TEAD1: variants seen among roughly 807,000 people sequenced by gnomAD.
TEAD1 encodes the protein TEA domain transcription factor 1.
Under a neutral mutation model 54.9 loss-of-function variants are expected in TEAD1, and 9 were observed. The ratio of observed to expected loss-of-function variants is 0.16; its 90% CI spans 0.10 to 0.29. TEAD1 has a LOEUF of 0.29. TEAD1 is among the 10% of genes least tolerant of loss of function. The probability of loss-of-function intolerance (pLI) is 1.00; values close to 1 mark genes in which losing one functional copy is unlikely to be tolerated. For synonymous variants in TEAD1, 200 were observed against 187.8 expected, an observed-to-expected ratio of 1.07 and a Z score of -0.53; for missense variants, 387 against 535.9, an observed-to-expected ratio of 0.72 and a Z score of 2.74.
intron 3 of TEAD1, among the ~76,000 whole-genome samples, chr11:12,806,338 C>G (rs1234405286): frequency 1.3e-5 from 2 of 152,202 alleles, no homozygotes; most frequent in Non-Finnish European, 2.9e-5. Context: ...TGCAGTGAAG[C>G]ATACTCACAC....
In TEAD1 at chr11:12,764,252, G is replaced by A. The variant is rs1218015988; in HGVS notation, c.20G>A (p.Ser7Asn). 3.1e-6 allele frequency: 5 copies of A among 1,613,974 alleles called. No homozygotes were observed. Among genetic ancestry groups the A allele is most frequent in the Non-Finnish European group, 3.4e-6 (4 of 1,180,018 alleles). The change falls in exon 3 of 13, where the codon AGC (serine) becomes AAC (asparagine). Residue 7 changes from serine (S) to asparagine (N), a missense_variant. Coordinates refer to ENST00000527636, the MANE Select transcript of TEAD1 (RefSeq NM_021961.6). ...GCCAAAATTGAGCCCAGCAGCTGGAGCGGCAGTGAGAGCCCTGCCGAAAAC... is the reference window on the plus strand; with the variant it reads ...GCCAAAATTGAGCCCAGCAGCTGGAACGGCAGTGAGAGCCCTGCCGAAAAC...
chr11:12,758,409 T>TG (rs2133917638), intron 2 of TEAD1, among the ~76,000 whole-genome samples: 1 of 141,160 alleles, frequency 7.1e-6, no homozygotes, highest in East Asian at 2.0e-4. Flanking sequence ...CAGCTAGTTT[T>TG]TTTTTTTTTT....
intron 2 of TEAD1, among the ~76,000 whole-genome samples, chr11:12,710,487 T>A (rs1943913148): frequency 6.6e-6 from 1 of 152,084 alleles, no homozygotes; most frequent in African/African-American, 2.4e-5. Flanking sequence ...TACCAGTAAA[T>A]GATGGTTAAA....
intron 2 of TEAD1, among the ~76,000 whole-genome samples, chr11:12,734,327 T>C (rs1003427169): frequency 1.3e-5 from 2 of 152,250 alleles, no homozygotes; most frequent in Non-Finnish European, 2.9e-5. Flanking sequence ...TGTTTGTGTT[T>C]TTAAGCTAAG....
intron 3 of TEAD1, among the ~76,000 whole-genome samples, chr11:12,845,922 GCGGAGCGC>G (rs992711522): frequency 3.9e-5 from 6 of 152,230 alleles, no homozygotes; most frequent in Admixed American, 2.0e-4. Flanking sequence ...GCCAGGTCCT[GCGGAGCGC>G]CTTTCCAAGC....
intron 9 of TEAD1, among the ~76,000 whole-genome samples, chr11:12,897,844 T>C (rs1564982422): frequency 6.6e-6 from 1 of 152,210 alleles, no homozygotes; most frequent in South Asian, 2.1e-4. Context: ...TCAAAAAACG[T>C]TGGTTTAACG....
At chr11:12,795,756 T>C (rs1407458992) in intron 3 of TEAD1, among the ~76,000 whole-genome samples, 1 of 152,186 alleles carries the variant, frequency 6.6e-6, no homozygotes, top group Non-Finnish European at 1.5e-5. Flanking sequence ...CCAGGTGATT[T>C]GGGTGTGCAG....
chr11:12,922,192 C>CTTTTTTTTTTTTTTTTTTTT (rs756723520), intron 10 of TEAD1, among the ~76,000 whole-genome samples: 1 of 94,500 alleles, frequency 1.1e-5, no homozygotes, highest in African/African-American at 4.3e-5. Context: ...ACATGGTTCT[C>CTTTTTTTTTTTTTTTTTTTT]TTTTTTTTTT....
intron 10 of TEAD1, among the ~76,000 whole-genome samples, chr11:12,908,696 A>G (rs1589979862): frequency 1.3e-5 from 2 of 152,310 alleles, no homozygotes; most frequent in African/African-American, 4.8e-5. Context: ...TATGATTATG[A>G]AGGTATAACA....
At chr11:12,874,333 C>T (rs1229954758) in intron 5 of TEAD1, among the ~76,000 whole-genome samples, 6 of 152,148 alleles carry the variant, frequency 3.9e-5, no homozygotes, top group Admixed American at 6.5e-5. Flanking sequence ...CAGACTGATC[C>T]GTGAGATGTC....
At chr11:12,913,221 C>T (rs1366172160) in intron 10 of TEAD1, among the ~76,000 whole-genome samples, 1 of 152,008 alleles carries the variant, frequency 6.6e-6, no homozygotes, top group South Asian at 2.1e-4. Flanking sequence ...TCTCCATGTG[C>T]AGGTAAAGAT....
chr11:12,812,253 A>T (rs1467671300), intron 3 of TEAD1, among the ~76,000 whole-genome samples: 1 of 152,122 alleles, frequency 6.6e-6, no homozygotes, highest in Non-Finnish European at 1.5e-5. Context: ...TTATTCAGTG[A>T]TGGCTTCCTG....
intron 3 of TEAD1, among the ~76,000 whole-genome samples, chr11:12,781,951 C>CAAA (rs71454001): frequency 6.1e-4 from 40 of 65,276 alleles, no homozygotes; most frequent in South Asian, 1.5e-3. Context: ...CTCGTCTGTA[C>CAAA]AAAAAAAAAA....
intron 5 of TEAD1, among the ~76,000 whole-genome samples, chr11:12,869,181 A>T (rs188484104): frequency 6.6e-6 from 1 of 152,160 alleles, no homozygotes; most frequent in Non-Finnish European, 1.5e-5. Flanking sequence ...GGTTCATTCA[A>T]ATTTACCCTC....
chr11:12,873,004 T>C (rs1947784998), intron 5 of TEAD1, among the ~76,000 whole-genome samples: 1 of 152,180 alleles, frequency 6.6e-6, no homozygotes, highest in Non-Finnish European at 1.5e-5. Flanking sequence ...GAGTCACAAG[T>C]CTGAAGTTAA....
At chr11:12,815,508 A>G (rs570351828) in intron 3 of TEAD1, among the ~76,000 whole-genome samples, 2 of 152,328 alleles carry the variant, frequency 1.3e-5, no homozygotes, top group Admixed American at 6.5e-5. Flanking sequence ...CAAAAATGCA[A>G]AACACAGTGT....
chr11:12,824,302 T>C (rs7113256), intron 3 of TEAD1, among the ~76,000 whole-genome samples: 83,362 of 152,128 alleles, frequency 0.55, 23,731 homozygotes, highest in East Asian at 0.76. Flanking sequence ...GTCTGCAGAC[T>C]TGCCTAAGTG....
chr11:12,932,796 G>A (rs4756734), intron 12 of TEAD1, among the ~76,000 whole-genome samples: 56,641 of 151,966 alleles, frequency 0.37, 10,732 homozygotes, highest in East Asian at 0.43. Context: ...CCATTCACTC[G>A]TCACTTACTC....
intron 3 of TEAD1, among the ~76,000 whole-genome samples, chr11:12,847,653 G>T (rs1251447543): frequency 6.6e-6 from 1 of 152,212 alleles, no homozygotes; most frequent in Non-Finnish European, 1.5e-5. Flanking sequence ...GATAGAATGT[G>T]TTCATGTGTT....
Sources: gnomAD v4.1 joint callset for allele counts (sites outside exome capture counted in the v4.1 genomes callset) on GRCh38, gnomAD v4.1.1 for gene constraint, MANE v1.5 for transcripts, NCBI Gene and HGNC (gene_info 2026-07-23, HGNC 2026-07-21) for gene names.